Variants in IRAK1BP1 observed in about 807,000 individuals in gnomAD.
IRAK1BP1 encodes the protein interleukin-1 receptor-associated kinase 1-binding protein 1.
A neutral mutation model predicts 28.0 loss-of-function variants in IRAK1BP1; 24 were observed. The observed-to-expected ratio is 0.86, with a 90% CI of 0.62 to 1.20. IRAK1BP1 has a LOEUF of 1.20. Ranked by LOEUF, IRAK1BP1 falls within the 50% of genes most tolerant of loss-of-function variation. The probability of loss-of-function intolerance (pLI) is 0.00; values close to 1 mark genes in which losing one functional copy is unlikely to be tolerated. For synonymous variants in IRAK1BP1, 131 were observed against 116.3 expected, an observed-to-expected ratio of 1.13 and a Z score of -0.81; for missense variants, 336 against 316.7, an observed-to-expected ratio of 1.06 and a Z score of -0.46.
rs1356189319 is a variant in IRAK1BP1, at chr6:78,901,492, C to T, written c.*3158C>T. The stretch of plus-strand genomic sequence containing the variant: ...TCTACTAGAATAAACCTATCCTAAA[C>T]TTAATCCTGTTAGAATTTCCTTCTT... On this transcript the variant is annotated 3_prime_UTR_variant, in exon 4 of 4. Coordinates refer to ENST00000369940, the MANE Select transcript of IRAK1BP1 (RefSeq NM_001010844.4). The T allele has an allele frequency of 2.6e-5, 4 of 151,476 alleles. No individual in the cohort carries two copies. The East Asian group carries it at 7.7e-4, about 29-fold the overall frequency. The allele number at this position is 151,476 out of a possible 1,614,324, so 9.4% of individuals were successfully genotyped here. A position where few individuals can be genotyped will look rare whatever the true frequency, so the allele number is the denominator to read the frequency against.
Position 78,898,285 on chromosome 6 carries a change from T to G in IRAK1BP1, c.734T>G (p.Phe245Cys), listed in dbSNP as rs1334029928. Reference protein sequence around the residue: ...SATIHAASKVFITFEVKGKEK... With the variant: ...SATIHAASKVCITFEVKGKEK... ...ACAATACATGCTGCTTCAAAAGTATTTATAACTTTTGAGGTAAAGGGAAAA... is the reference window on the plus strand; with the variant it reads ...ACAATACATGCTGCTTCAAAAGTATGTATAACTTTTGAGGTAAAGGGAAAA... Residue 245 changes from phenylalanine to cysteine, a missense_variant, in exon 4 of 4, where the codon TTT becomes TGT. Phe to Cys is a radical substitution (Grantham distance 205). Transcript: ENST00000369940. 3.7e-6 allele frequency: 6 copies of G among 1,608,934 alleles called. No homozygotes were observed. The highest frequency in any genetic ancestry group is 5.1e-6 in the Non-Finnish European group (6 of 1,177,684).
chr6:78,872,549 T>C (rs1770829185), intron 1 of IRAK1BP1, among the ~76,000 whole-genome samples: 1 of 152,232 alleles, frequency 6.6e-6, no homozygotes, highest in Admixed American at 6.5e-5. Context: ...TTATATTTTA[T>C]ATGTACCAGT....
chr6:78,886,381 C>T (rs1323449490), intron 2 of IRAK1BP1, among the ~76,000 whole-genome samples: 1 of 152,086 alleles, frequency 6.6e-6, no homozygotes, highest in East Asian at 1.9e-4. Context: ...TTTGTGATTT[C>T]TCCACTTAAA....
At chr6:78,872,460 T>C (rs902789315) in intron 1 of IRAK1BP1, among the ~76,000 whole-genome samples, 1 of 152,218 alleles carries the variant, frequency 6.6e-6, no homozygotes, top group Non-Finnish European at 1.5e-5. Context: ...TACATGTCCT[T>C]AATTACAGGT....
At chr6:78,873,646 T>C (rs963641822) in intron 1 of IRAK1BP1, among the ~76,000 whole-genome samples, 1 of 152,078 alleles carries the variant, frequency 6.6e-6, no homozygotes, top group Non-Finnish European at 1.5e-5. Context: ...GCCCAGCTAA[T>C]TTTTTATAGA....
At chr6:78,931,086 AT>A (rs1246856792) in intron 4 of IRAK1BP1, among the ~76,000 whole-genome samples, 1 of 152,186 alleles carries the variant, frequency 6.6e-6, no homozygotes, top group African/African-American at 2.4e-5. Context: ...TGGATCTTAA[AT>A]TTAGAAAAAA....
chr6:78,965,900 C>T, the IRAK1BP1 span: 2 of 1,433,288 alleles, frequency 1.4e-6, no homozygotes, highest in African/African-American at 2.8e-5. Context: ...AAAAAAAATT[C>T]AAAGCAAGCC....
chr6:78,911,180 G>A (rs753464358), intron 4 of IRAK1BP1, among the ~76,000 whole-genome samples: 4 of 152,118 alleles, frequency 2.6e-5, no homozygotes, highest in Admixed American at 6.5e-5. Flanking sequence ...TTGAGACCGG[G>A]CCACCTCCCC....
At chr6:78,963,954 GAAC>G in the IRAK1BP1 span, among the ~76,000 whole-genome samples, 13,091 of 152,050 alleles carry the variant, frequency 0.086, 732 homozygotes, top group Non-Finnish European at 0.13. Flanking sequence ...TATCCAAATA[GAAC>G]AACAACAGTA....
In IRAK1BP1 at chr6:78,901,327, G is replaced by T. The variant is rs1236109742; in HGVS notation, c.*2993G>T. 1 of 151,938 alleles carries T rather than the reference G, an allele frequency of 6.6e-6. No homozygotes were observed. The highest frequency in any genetic ancestry group is 2.4e-5 in the African/African-American group (1 of 41,386). The allele number at this position is 151,938 out of a possible 1,614,324, so 9.4% of individuals were successfully genotyped here. On this transcript the variant is annotated 3_prime_UTR_variant, in exon 4 of 4. Transcript: ENST00000369940. ...GAGCTTAGGGAAGAAATCATTCAAA[G>T]ATTGGAAAGACTTATGTGTAGTATT...
At chr6:78,938,552 T>C (rs1473259310) in intron 4 of IRAK1BP1, 1 of 151,674 alleles carries the variant, frequency 6.6e-6, no homozygotes, top group African/African-American at 2.4e-5. Context: ...AACTAATTAA[T>C]GACAAATTTC....
chr6:78,978,526 A>T, the IRAK1BP1 span: 1 of 1,317,692 alleles, frequency 7.6e-7, no homozygotes, highest in Non-Finnish European at 1.1e-6. Flanking sequence ...AGTCTATTTC[A>T]AGAGCTGTTA....
chr6:78,904,314 A>G (rs952311198), downstream of IRAK1BP1, among the ~76,000 whole-genome samples: 3 of 152,222 alleles, frequency 2.0e-5, no homozygotes, highest in Non-Finnish European at 2.9e-5. Flanking sequence ...TGGATCAGCT[A>G]TAAGTGTGTA....
chr6:78,879,045 G>A (rs943195745), intron 1 of IRAK1BP1, among the ~76,000 whole-genome samples: 1 of 152,138 alleles, frequency 6.6e-6, no homozygotes, highest in African/African-American at 2.4e-5. Flanking sequence ...GTGACGGGGA[G>A]AATGGAACCA....
chr6:78,951,010 A>C (rs1774109311), downstream of IRAK1BP1, among the ~76,000 whole-genome samples: 1 of 152,074 alleles, frequency 6.6e-6, no homozygotes, highest in Admixed American at 6.6e-5. Context: ...GCATTGCTTT[A>C]ACTGCATCCT....
Position 78,941,062 on chromosome 6 carries a change from A to G in IRAK1BP1, c.*68-4346A>G, listed in dbSNP as rs202143050. ...TCTGTAACAAATCTTCCTTTACATTATTAGTTTCAGAAAGAAAATTGCATG... is the reference window on the plus strand; with the variant it reads ...TCTGTAACAAATCTTCCTTTACATTGTTAGTTTCAGAAAGAAAATTGCATG... On this transcript the variant is annotated intron_variant and NMD_transcript_variant, in intron 4 of 4. Transcript: ENST00000606868. 105 of 1,613,984 alleles carry G rather than the reference A, an allele frequency of 6.5e-5. No individual in the cohort carries two copies. In the East Asian group the frequency reaches 2.3e-3, roughly 35 times the overall value.
At position 78,898,101 on chromosome 6, in the gene IRAK1BP1, C is replaced by T. The variant is rs755416908; in HGVS notation, c.550C>T (p.Arg184Cys). The T allele has an allele frequency of 5.6e-6, 9 of 1,612,902 alleles. No individual in the cohort carries two copies. Among genetic ancestry groups the T allele is most frequent in the South Asian group, 2.2e-5 (2 of 90,828 alleles). ...ACLVAVENAW[R>C]KAQEVCNLVG... The stretch of plus-strand genomic sequence containing the variant: ...TCTTGTTGCTGTTGAGAATGCGTGG[C>T]GCAAAGCTCAAGAAGTCTGTAACCT... The change falls in exon 4 of 4, where the codon CGC becomes TGC. Residue 184 changes from arginine (R) to cysteine (C), a missense_variant. Transcript: ENST00000369940.
chr6:78,957,600 ATAATCCTGAATTTTTCATTATGT>A, the IRAK1BP1 span: 1 of 151,800 alleles, frequency 6.6e-6, no homozygotes, highest in East Asian at 1.9e-4. Flanking sequence ...AAAAAACTGA[ATAATCCTGAATTTTTCATTATGT>A]AAAAATGAAA....
chr6:78,895,399 A>G (rs1176430036), intron 2 of IRAK1BP1, among the ~76,000 whole-genome samples: 1 of 152,212 alleles, frequency 6.6e-6, no homozygotes, highest in African/African-American at 2.4e-5. Context: ...AAATACCATT[A>G]CAAGCAAAGA....
Sources: allele counts gnomAD v4.1 joint callset (sites outside exome capture counted in the v4.1 genomes callset), GRCh38; gene constraint gnomAD v4.1.1; transcripts MANE v1.5; gene names NCBI Gene and HGNC (gene_info 2026-07-23, HGNC 2026-07-21).